The following FAM153A variants were observed in gnomAD, a reference collection of about 807,000 sequenced individuals.
The protein encoded by FAM153A is protein FAM153A.
In FAM153A, 12 loss-of-function variants were observed where a neutral mutation model predicts 48.1. The observed-to-expected ratio is 0.25, with a 90% CI of 0.16 to 0.40. The LOEUF is 0.40. FAM153A is among the 10% of genes least tolerant of loss of function. The pLI, the probability that FAM153A is intolerant of heterozygous loss-of-function variation, is 1.00. For synonymous variants in FAM153A, 36 were observed against 118.2 expected (o/e 0.30, Z 4.51); for missense variants, 111 against 345.8 (o/e 0.32, Z 5.38).
intron 18 of FAM153A, among the ~76,000 whole-genome samples, chr5:177,725,515 C>A (rs916593885): frequency 6.6e-6 from 1 of 151,648 alleles, no homozygotes; most frequent in African/African-American, 2.4e-5. Flanking sequence ...GCTCCTTGTC[C>A]CAGTTGCCTT....
At chr5:177,747,531 C>G (rs575933417) in intron 4 of FAM153A, 1 of 536,874 alleles carries the variant, frequency 1.9e-6, no homozygotes, top group Non-Finnish European at 3.3e-6. Context: ...CCATACCTCC[C>G]AACTCTGATT....
At chr5:177,708,438 G>C (rs185907571), downstream of FAM153A, among the ~76,000 whole-genome samples, 1 of 151,172 alleles carries the variant, frequency 6.6e-6, no homozygotes, top group Admixed American at 6.6e-5. Flanking sequence ...TTAGCCAGGC[G>C]TGGTGGCACA....
At chr5:177,766,622 T>G (rs1352566582) in intron 1 of FAM153A, among the ~76,000 whole-genome samples, 2 of 94,486 alleles carry the variant, frequency 2.1e-5, no homozygotes, top group Non-Finnish European at 4.4e-5. Context: ...ATCTTGCTTT[T>G]GTAAAATTAT....
At chr5:177,755,846 G>A (rs1767672560), upstream of FAM153A, among the ~76,000 whole-genome samples, 1 of 149,528 alleles carries the variant, frequency 6.7e-6, no homozygotes, top group South Asian at 2.1e-4. Context: ...CACTAAATAT[G>A]GAAAGGAACA....
In FAM153A at chr5:177,734,537, G is replaced by A. The variant is rs552785954; in HGVS notation, c.736-133C>T. The A allele has an allele frequency of 3.6e-4, 186 of 523,402 alleles. 2 individuals are homozygous for A. In the East Asian group the frequency reaches 4.9e-3, roughly 14 times the overall value. 32.4% of individuals were successfully genotyped at this position (523,402 alleles called of 1,614,324 possible). ...GTGTTCAAAGGAACCCCAAAGAAGCGAACAAATCAACTCATACTAAAGACA... is the reference window on the plus strand; with the variant it reads ...GTGTTCAAAGGAACCCCAAAGAAGCAAACAAATCAACTCATACTAAAGACA... On this transcript the variant is annotated intron_variant, in intron 13 of 20. Coordinates refer to ENST00000614127, the Ensembl canonical transcript of FAM153A.
rs541838067 is a variant in FAM153A, at chr5:177,760,159, G to A, written c.-56-11460C>T. On this transcript the variant is annotated intron_variant, in intron 1 of 8. Coordinates refer to the FAM153A transcript ENST00000393518. ...CACATATATATATATACACATATAT[G>A]AGAGAGAGTGAGAAAACTCAATTAA... Among the ~76,000 whole-genome samples, 17 of 149,640 alleles carry A rather than the reference G, an allele frequency of 1.1e-4. 1 individual carries two copies. The East Asian group carries it at 3.3e-3, about 29-fold the overall frequency.
intron 13 of FAM153A, 71 bp downstream of exon 15, chr5:177,734,792 T>C: frequency 6.2e-7 from 1 of 1,609,974 alleles, no homozygotes; most frequent in South Asian, 1.1e-5. Context: ...TTCTCATATC[T>C]TAATTTAATC....
At chr5:177,719,541 A>G (rs1410849426), downstream of FAM153A, among the ~76,000 whole-genome samples, 3 of 150,520 alleles carry the variant, frequency 2.0e-5, no homozygotes, top group African/African-American at 7.5e-5. Flanking sequence ...AAGAGCTCTC[A>G]GTCATGGTCT....
At position 177,753,098 on chromosome 5, in the gene FAM153A, C is replaced by T. The variant is rs1582473899; in HGVS notation, c.31+78G>A. The T allele has an allele frequency of 3.7e-6, 4 of 1,081,886 alleles. No homozygotes were observed. In the East Asian group the frequency reaches 1.0e-4, roughly 27 times the overall value. 67.0% of individuals were successfully genotyped at this position (1,081,886 alleles called of 1,614,324 possible). On this transcript the variant is annotated intron_variant, in intron 1 of 20. Coordinates refer to ENST00000614127, the Ensembl canonical transcript of FAM153A. ...TAGGAGCTGGGGAAATTAAAAAAAT[C>T]AGAATGACATTTAACATACAGGAAA...
chr5:177,695,429 T>TGGGTCCTTGAGATTAG, the FAM153A span, among the ~76,000 whole-genome samples: 1 of 150,480 alleles, frequency 6.6e-6, no homozygotes, highest in Non-Finnish European at 1.5e-5. Context: ...TTTGTGTCCC[T>TGGGTCCTTGAGATTAG]GGGTCCTTGA....
At chr5:177,728,318 G>C (rs1415203690) in intron 18 of FAM153A, among the ~76,000 whole-genome samples, 1 of 147,542 alleles carries the variant, frequency 6.8e-6, no homozygotes, top group Non-Finnish European at 1.5e-5. Context: ...TATGCAAACT[G>C]TGCAGTGGTG....
Position 177,763,878 on chromosome 5 carries a change from G to A in FAM153A, c.-56-15179C>T, listed in dbSNP as rs1331450832. On this transcript the variant is annotated intron_variant, in intron 1 of 8. Coordinates refer to the FAM153A transcript ENST00000393518. Reference sequence around the variant, plus strand: ...TAACACCTGGGCTAGCTACCAATGAGGATGGCTGTGAACGCCTTGGCTGGG... The same window carrying A: ...TAACACCTGGGCTAGCTACCAATGAAGATGGCTGTGAACGCCTTGGCTGGG... Among the ~76,000 whole-genome samples, 4 of 151,514 alleles carry A rather than the reference G, an allele frequency of 2.6e-5. No individual in the cohort carries two copies. In the East Asian group the frequency reaches 5.8e-4, roughly 22 times the overall value.
chr5:177,754,631 C>G (rs1471522304), upstream of FAM153A, among the ~76,000 whole-genome samples: 1 of 151,844 alleles, frequency 6.6e-6, no homozygotes, highest in African/African-American at 2.4e-5. Context: ...ACTCCTCTGA[C>G]ACAAAACTTC....
chr5:177,701,808 A>G, the FAM153A span, among the ~76,000 whole-genome samples: 4 of 151,836 alleles, frequency 2.6e-5, no homozygotes, highest in Admixed American at 6.6e-5. Context: ...AGACTGGTTG[A>G]ATGGTTAGAT....
At chr5:177,752,746 G>A (rs868270066) in intron 1 of FAM153A, among the ~76,000 whole-genome samples, 1 of 113,676 alleles carries the variant, frequency 8.8e-6, no homozygotes, top group Admixed American at 8.6e-5. Context: ...TTGCCAACAT[G>A]GTAAAACCCT....
At chr5:177,735,027 C>T (rs1582375489) in intron 12 of FAM153A, 94 bp from the exon 15 acceptor site, 2 of 768,788 alleles carry the variant, frequency 2.6e-6, no homozygotes, top group South Asian at 3.7e-5. Flanking sequence ...AGGAGGGTAG[C>T]AGGCACAGGA....
chr5:177,763,846 C>G (rs1380731910), intron 1 of FAM153A, among the ~76,000 whole-genome samples: 3 of 150,872 alleles, frequency 2.0e-5, no homozygotes, highest in African/African-American at 7.4e-5. Flanking sequence ...CCACTGAGGA[C>G]AAGGACTAAC....
chr5:177,726,816 G>A (rs1449262045), intron 18 of FAM153A, among the ~76,000 whole-genome samples: 1 of 122,360 alleles, frequency 8.2e-6, no homozygotes, highest in East Asian at 2.4e-4. Context: ...CTGGCTCATA[G>A]CATCTCTTAC....
chr5:177,757,666 G>T (rs1364510764), upstream of FAM153A, among the ~76,000 whole-genome samples: 100 of 150,794 alleles, frequency 6.6e-4, no homozygotes, highest in African/African-American at 2.0e-3. Context: ...TGCAAGGCTG[G>T]TTCAACATAC....
Sources: allele counts gnomAD v4.1 joint callset (sites outside exome capture counted in the v4.1 genomes callset), GRCh38; gene constraint gnomAD v4.1.1; transcripts MANE v1.5; gene names NCBI Gene and HGNC (gene_info 2026-07-23, HGNC 2026-07-21).